BTBD8: variants seen among roughly 807,000 people sequenced by gnomAD.
BTBD8 encodes BTB domain containing 8.
A neutral mutation model predicts 162.9 loss-of-function variants in BTBD8; 110 were observed. That is an observed-to-expected ratio of 0.68 (90% CI 0.58 to 0.79). The LOEUF (loss-of-function observed/expected upper bound fraction) is 0.79, where lower values mean the gene tolerates loss of function less well. Among genes scored for constraint, BTBD8 ranks in the 30% least tolerant of loss-of-function variants. The probability of loss-of-function intolerance (pLI) is 0.00; values close to 1 mark genes in which losing one functional copy is unlikely to be tolerated. For missense variants in BTBD8, 1,905 were observed against 2,085.4 expected (o/e 0.91, Z 1.68); for synonymous variants, 667 against 716.1 (o/e 0.93, Z 1.10).
rs78903908 is a variant in BTBD8, at chr1:92,124,461, G to A, written c.663-5226G>A. 4.6e-3 allele frequency among the ~76,000 whole-genome samples: 703 copies of A among 152,282 alleles called. 4 individuals carry two copies. The highest frequency in any genetic ancestry group is 0.016 in the African/African-American group (662 of 41,548). ...GTACTCCCAGCACTTAGAATAGTGC[G>A]GAGCACAGAATAGAATATCTGTTGG... On this transcript the variant is annotated intron_variant, in intron 4 of 17. Transcript: ENST00000636805.
chr1:92,164,031 A>G (rs887434010), intron 9 of BTBD8, among the ~76,000 whole-genome samples: 11 of 152,246 alleles, frequency 7.2e-5, no homozygotes, highest in African/African-American at 2.7e-4. Flanking sequence ...TGCCTGCAGT[A>G]GAACAAATTG....
chr1:92,181,177 A>C lies in BTBD8; in HGVS notation c.3494A>C (p.Lys1165Thr), dbSNP rs2100693040. 6.4e-7 allele frequency: 1 copy of C among 1,551,744 alleles called. No individual in the cohort carries two copies. Among genetic ancestry groups the C allele is most frequent in the Non-Finnish European group, 8.7e-7 (1 of 1,147,000 alleles). The change falls in exon 17 of 18, where the codon AAA becomes ACA. Residue 1165 changes from lysine (K) to threonine (T), a missense_variant. Coordinates refer to ENST00000636805, the MANE Select transcript of BTBD8 (RefSeq NM_001376131.1). Reference sequence around the variant, plus strand: ...TTAAATTCTGCTCAAGAAGACAAAAAATCGAAAGTTCCTGTGGAAGGACTG... The same window carrying C: ...TTAAATTCTGCTCAAGAAGACAAAACATCGAAAGTTCCTGTGGAAGGACTG... ...GTLNSAQEDK[K>T]SKVPVEGLTI...
chr1:92,171,479 A>G lies in BTBD8; in HGVS notation c.1635+19A>G, dbSNP rs1650545107. The G allele has an allele frequency of 6.3e-6, 9 of 1,419,034 alleles. No individual in the cohort carries two copies. Among genetic ancestry groups the G allele is most frequent in the African/African-American group, 1.4e-5 (1 of 69,606 alleles). 87.9% of individuals were successfully genotyped at this position (1,419,034 alleles called of 1,614,324 possible). A position where few individuals can be genotyped will look rare whatever the true frequency, so the allele number is the denominator to read the frequency against. On this transcript the variant is annotated intron_variant, in intron 13 of 17. Transcript: ENST00000636805. ...CTCGCAGGTAAACTTTCTAAATTTTATAGGTACAAATGAAAAAGATAACAA... is the reference window on the plus strand; with the variant it reads ...CTCGCAGGTAAACTTTCTAAATTTTGTAGGTACAAATGAAAAAGATAACAA...
At chr1:92,155,139 A>G (rs1375171595) in intron 9 of BTBD8, among the ~76,000 whole-genome samples, 1 of 152,134 alleles carries the variant, frequency 6.6e-6, no homozygotes, top group African/African-American at 2.4e-5. Flanking sequence ...GGCCAGTACC[A>G]CACTGTTTTA....
At position 92,182,340 on chromosome 1, in the gene BTBD8, GAT is replaced by G; in HGVS notation, c.4659_4660del (p.Asp1553GlufsTer12). 1 of 1,550,440 alleles carries G rather than the reference GAT, an allele frequency of 6.4e-7. No homozygotes were observed. Among genetic ancestry groups the G allele is most frequent in the Non-Finnish European group, 8.7e-7 (1 of 1,146,682 alleles). On this transcript the variant is annotated frameshift_variant, in exon 17 of 18. Coordinates refer to ENST00000636805, the MANE Select transcript of BTBD8 (RefSeq NM_001376131.1). LOFTEE classifies it high-confidence loss of function. ...TAGAAGCAGACAGCTTCTTCGAGAA[GAT>G]AAAAAAGTAAACAATGGAAGCAATG... Reference protein sequence around the residue: ...SSRSRQLLREDKKVNNGSNVE... With the variant: ...SSRSRQLLREXKKVNNGSNVE...
intron 4 of BTBD8, among the ~76,000 whole-genome samples, chr1:92,117,214 A>AT (rs1325056485): frequency 5.9e-5 from 9 of 151,598 alleles, no homozygotes; most frequent in East Asian, 3.9e-4. Context: ...ATATTGACTG[A>AT]TTTTTTCCCT....
At chr1:92,178,234 T>C in intron 15 of BTBD8, 78 bp from the exon 16 acceptor site, 3 of 1,098,302 alleles carry the variant, frequency 2.7e-6, no homozygotes, top group Admixed American at 5.9e-5. Flanking sequence ...TGAAAAAAAC[T>C]GTTTCAGGTA....
intron 3 of BTBD8, among the ~76,000 whole-genome samples, chr1:92,104,072 A>G (rs1648663923): frequency 6.6e-6 from 1 of 152,198 alleles, no homozygotes; most frequent in South Asian, 2.1e-4. Context: ...TTTCTGCAAT[A>G]ACCTGGTGTT....
chr1:92,119,306 GA>G (rs1277898392), intron 4 of BTBD8, among the ~76,000 whole-genome samples: 1 of 130,008 alleles, frequency 7.7e-6, no homozygotes, highest in Non-Finnish European at 1.6e-5. Context: ...TTTTTTTTGA[GA>G]CAGGGTCTTG....
chr1:92,180,412 C>G lies in BTBD8; in HGVS notation c.2729C>G (p.Pro910Arg). 1 of 1,551,494 alleles carries G rather than the reference C, an allele frequency of 6.4e-7. No homozygotes were observed. Among genetic ancestry groups the G allele is most frequent in the Non-Finnish European group, 8.7e-7 (1 of 1,146,926 alleles). The change falls in exon 17 of 18, where the codon CCT (proline) becomes CGT (arginine). Residue 910 changes from proline (P) to arginine (R), a missense_variant. Pro to Arg is a moderately radical substitution (Grantham distance 103, BLOSUM62 -2). Coordinates refer to ENST00000636805, the MANE Select transcript of BTBD8 (RefSeq NM_001376131.1). Reference protein sequence around the residue: ...KMVKQVHTALPKVNAKIVAMP... With the variant: ...KMVKQVHTALRKVNAKIVAMP... ...GTCAAGCAAGTACACACAGCTTTGC[C>G]TAAGGTTAATGCAAAAATAGTGGCA...
chr1:92,109,351 A>G (rs1648827984), intron 4 of BTBD8, among the ~76,000 whole-genome samples: 1 of 151,592 alleles, frequency 6.6e-6, no homozygotes, highest in Non-Finnish European at 1.5e-5. Flanking sequence ...TACCAAAGTT[A>G]TAGAGCCCTA....
Position 92,177,805 on chromosome 1 carries a change from T to A in BTBD8, c.2354-6T>A. On this transcript the variant is annotated splice_polypyrimidine_tract_variant and splice_region_variant and intron_variant, in intron 14 of 17. Transcript: ENST00000636805. ...CTCTTATGACTCACTTTTTCTTAAT[T>A]TATAGCCATAAAATCTCGACCTGTT... The A allele has an allele frequency of 1.3e-6, 2 of 1,495,966 alleles. No homozygotes were observed. The highest frequency in any genetic ancestry group is 1.8e-6 in the Non-Finnish European group (2 of 1,097,930). The allele number at this position is 1,495,966 out of a possible 1,614,324, so 92.7% of individuals were successfully genotyped here.
At chr1:92,122,187 G>A (rs1454551782) in intron 4 of BTBD8, among the ~76,000 whole-genome samples, 1 of 151,964 alleles carries the variant, frequency 6.6e-6, no homozygotes, top group African/African-American at 2.4e-5. Context: ...GGATTGTATA[G>A]CTATACCACA....
chr1:92,135,350 T>C (rs992461010), intron 5 of BTBD8, among the ~76,000 whole-genome samples: 5 of 152,232 alleles, frequency 3.3e-5, no homozygotes, highest in Non-Finnish European at 7.3e-5. Flanking sequence ...CTCACCCAGA[T>C]AATTTTTTAT....
chr1:92,128,881 G>C (rs181810816), intron 4 of BTBD8, among the ~76,000 whole-genome samples: 240 of 151,938 alleles, frequency 1.6e-3, no homozygotes, highest in African/African-American at 5.5e-3. Flanking sequence ...CCTTTCCCAG[G>C]TCGTTTAAAT....
At chr1:92,130,539 T>TACACACACACACACACACAC (rs59796834) in intron 5 of BTBD8, among the ~76,000 whole-genome samples, 18 of 131,124 alleles carry the variant, frequency 1.4e-4, no homozygotes, top group African/African-American at 4.9e-4. Context: ...TATATATATT[T>TACACACACACACACACACAC]ACACACACAC....
rs1470281279 is a variant in BTBD8, at chr1:92,180,467, A to T, written c.2784A>T (p.Lys928Asn). ...AMPKNLNQSK[K>N]GETLNNKDSK... ...CTAAAAATCTAAATCAGTCAAAGAAAGGTGAAACTTTGAATAATAAAGATT... is the reference window on the plus strand; with the variant it reads ...CTAAAAATCTAAATCAGTCAAAGAATGGTGAAACTTTGAATAATAAAGATT... Residue 928 changes from lysine to asparagine, a missense_variant, in exon 17 of 18, where the codon AAA (lysine) becomes AAT (asparagine). By Grantham distance (94) the Lys-to-Asn change is moderately conservative. Around this residue, in one of 3 missense-constraint regions of BTBD8, gnomAD observed 1,374 missense variants for 1,442.7 expected, o/e 0.95. Coordinates refer to ENST00000636805, the MANE Select transcript of BTBD8 (RefSeq NM_001376131.1). 6 of 1,550,812 alleles carry T rather than the reference A, an allele frequency of 3.9e-6. No individual in the cohort carries two copies. In the East Asian group the frequency reaches 7.3e-5, roughly 19 times the overall value.
intron 15 of BTBD8, 113 bp from the exon 16 acceptor site, chr1:92,178,199 C>A: frequency 2.5e-6 from 2 of 802,122 alleles, no homozygotes; most frequent in Non-Finnish European, 3.9e-6. Context: ...TTTCTATTTT[C>A]AGGAGAGATG....
chr1:92,152,411 A>G lies in BTBD8; in HGVS notation c.1122+4625A>G, dbSNP rs186238749. 3.7e-3 allele frequency among the ~76,000 whole-genome samples: 562 copies of G among 152,346 alleles called. 3 individuals carry two copies. The highest frequency in any genetic ancestry group is 5.8e-3 in the Non-Finnish European group (393 of 68,012). On this transcript the variant is annotated intron_variant, in intron 9 of 17. Coordinates refer to ENST00000636805, the MANE Select transcript of BTBD8 (RefSeq NM_001376131.1). ...ATTGTATAACTTAGAATTCAGGTGT[A>G]TACATAGAATCACACAGGTTAAATC...
Sources: allele counts gnomAD v4.1 joint callset (sites outside exome capture counted in the v4.1 genomes callset), GRCh38; gene constraint gnomAD v4.1.1; regional missense constraint gnomAD v4.1.1; transcripts MANE v1.5; gene names NCBI Gene and HGNC (gene_info 2026-07-23, HGNC 2026-07-21).